The following KCNJ15 variants were observed in gnomAD, a reference collection of about 807,000 sequenced individuals.
KCNJ15 encodes the protein potassium inwardly rectifying channel subfamily J member 15.
Under a neutral mutation model 23.0 loss-of-function variants are expected in KCNJ15, and 14 were observed. The ratio of observed to expected loss-of-function variants is 0.61; its 90% CI spans 0.40 to 0.95. The LOEUF (loss-of-function observed/expected upper bound fraction) is 0.95, where lower values mean the gene tolerates loss of function less well. Ranked by LOEUF, KCNJ15 falls within the 40% of genes least tolerant of loss-of-function variation. KCNJ15 has a pLI of 0.00. For synonymous variants in KCNJ15, 185 were observed against 183.2 expected, an observed-to-expected ratio of 1.01 and a Z score of -0.08; for missense variants, 388 against 461.8, an observed-to-expected ratio of 0.84 and a Z score of 1.46.
At chr21:38,253,861 A>T (rs183968413), upstream of KCNJ15, among the ~76,000 whole-genome samples, 2 of 152,316 alleles carry the variant, frequency 1.3e-5, no homozygotes, top group African/African-American at 4.8e-5. Context: ...TCTTTCCGTT[A>T]ACTGTGGAGG....
At chr21:38,271,498 A>C (rs1051333881) in intron 1 of KCNJ15, among the ~76,000 whole-genome samples, 1 of 152,238 alleles carries the variant, frequency 6.6e-6, no homozygotes, top group African/African-American at 2.4e-5. Flanking sequence ...TGGAAAGTGA[A>C]AATCAGTGAA....
Position 38,300,075 on chromosome 21 carries a change from C to A in KCNJ15, c.814C>A (p.Leu272Ile), listed in dbSNP as rs762613652. The change falls in exon 3 of 3, where the codon CTA becomes ATA. Residue 272 changes from leucine (L) to isoleucine (I), a missense_variant. Transcript: ENST00000398938. ...CCTGAGAGACCTCACACCCCAAAAC[C>A]TAAAGGAGAAGGAGTTTGAGCTTGT... ...SPLRDLTPQN[L>I]KEKEFELVVL... is the part of the protein sequence containing the mutation. 8.7e-5 allele frequency: 141 copies of A among 1,614,024 alleles called. No homozygotes were observed. Among genetic ancestry groups the A allele is most frequent in the Non-Finnish European group, 1.1e-4 (127 of 1,180,028 alleles).
At chr21:38,271,186 C>G (rs1982044214) in intron 1 of KCNJ15, among the ~76,000 whole-genome samples, 1 of 152,260 alleles carries the variant, frequency 6.6e-6, no homozygotes, top group Admixed American at 6.5e-5. Flanking sequence ...TAGTCCGTCT[C>G]TCTGTGCTTT....
chr21:38,274,189 G>A (rs1982403584), intron 1 of KCNJ15, among the ~76,000 whole-genome samples: 1 of 152,218 alleles, frequency 6.6e-6, no homozygotes, highest in South Asian at 2.1e-4. Flanking sequence ...GCAAAGACGT[G>A]AACTAGTGTT....
chr21:38,290,394 A>G (rs1403577442), intron 1 of KCNJ15, among the ~76,000 whole-genome samples: 2 of 152,234 alleles, frequency 1.3e-5, no homozygotes, highest in African/African-American at 2.4e-5. Context: ...AACAATAATA[A>G]TGGAACAGAA....
At chr21:38,278,563 A>T (rs1982980591) in intron 1 of KCNJ15, among the ~76,000 whole-genome samples, 1 of 152,192 alleles carries the variant, frequency 6.6e-6, no homozygotes, top group Non-Finnish European at 1.5e-5. Context: ...TAGTACACTG[A>T]GATAAATATT....
At chr21:38,298,117 G>A (rs1282618803) in intron 2 of KCNJ15, 3 of 152,160 alleles carry the variant, frequency 2.0e-5, no homozygotes, top group Non-Finnish European at 2.9e-5. Context: ...AAGTTACTCT[G>A]TAATCACCCG....
chr21:38,239,905 T>C (rs757573464), intron 1 of KCNJ15, among the ~76,000 whole-genome samples: 2 of 152,262 alleles, frequency 1.3e-5, no homozygotes, highest in African/African-American at 2.4e-5. Flanking sequence ...AGTTTCCTGA[T>C]CTTGTCAGCA....
chr21:38,293,816 T>A (rs1404077966), intron 1 of KCNJ15, among the ~76,000 whole-genome samples: 1 of 152,266 alleles, frequency 6.6e-6, no homozygotes, highest in Non-Finnish European at 1.5e-5. Context: ...AGAATCCACT[T>A]TGTCCACCTT....
At position 38,301,715 on chromosome 21, in the gene KCNJ15, A is replaced by G. The variant is rs1569025227; in HGVS notation, c.*1326A>G. 1 of 167,084 alleles carries G rather than the reference A, an allele frequency of 6.0e-6. No homozygotes were observed. The highest frequency in any genetic ancestry group is 6.5e-5 in the Admixed American group (1 of 15,288). 10.4% of individuals were successfully genotyped at this position (167,084 alleles called of 1,614,324 possible). A position where few individuals can be genotyped will look rare whatever the true frequency, so the allele number is the denominator to read the frequency against. On this transcript the variant is annotated 3_prime_UTR_variant, in exon 3 of 3. Coordinates refer to ENST00000398938, the MANE Select transcript of KCNJ15 (RefSeq NM_170736.3). ...TAAAGAATACCCCTGCTATTTAAATAAAGCTCATACCAAGAGGTAACATTT... is the reference window on the plus strand; with the variant it reads ...TAAAGAATACCCCTGCTATTTAAATGAAGCTCATACCAAGAGGTAACATTT...
chr21:38,300,993 G>C lies in KCNJ15; in HGVS notation c.*604G>C. On this transcript the variant is annotated 3_prime_UTR_variant, in exon 3 of 3. Transcript: ENST00000398938. ...GTATGGAAGGAAATTGATCAGATCTGTAATTCACAACTGTGGAAACCTACA... is the reference window on the plus strand; with the variant it reads ...GTATGGAAGGAAATTGATCAGATCTCTAATTCACAACTGTGGAAACCTACA... 1 of 167,040 alleles carries C rather than the reference G, an allele frequency of 6.0e-6. No homozygotes were observed. Among genetic ancestry groups the C allele is most frequent in the East Asian group, 1.9e-4 (1 of 5,200 alleles). 10.3% of individuals were successfully genotyped at this position (167,040 alleles called of 1,614,324 possible). A position where few individuals can be genotyped will look rare whatever the true frequency, so the allele number is the denominator to read the frequency against.
chr21:38,273,287 A>G (rs949686934), intron 1 of KCNJ15, among the ~76,000 whole-genome samples: 3 of 152,198 alleles, frequency 2.0e-5, no homozygotes, highest in Admixed American at 6.5e-5. Flanking sequence ...TCAGGATCCA[A>G]CCAAGGCCTG....
At chr21:38,270,963 G>C (rs556893408) in intron 1 of KCNJ15, among the ~76,000 whole-genome samples, 17 of 151,760 alleles carry the variant, frequency 1.1e-4, no homozygotes, top group African/African-American at 4.1e-4. Context: ...ATACAGCCTG[G>C]TTTCTCCAAC....
chr21:38,287,903 A>G (rs1373137383), intron 1 of KCNJ15, among the ~76,000 whole-genome samples: 1 of 152,126 alleles, frequency 6.6e-6, no homozygotes, highest in African/African-American at 2.4e-5. Context: ...TTTTGGTATA[A>G]ACTGTGTTCC....
At chr21:38,274,177 A>T (rs1380929852) in intron 1 of KCNJ15, among the ~76,000 whole-genome samples, 1 of 152,224 alleles carries the variant, frequency 6.6e-6, no homozygotes, top group Non-Finnish European at 1.5e-5. Context: ...TGTTAGGTGT[A>T]AGCAAAGACG....
At chr21:38,267,426 A>G (rs964835878) in intron 1 of KCNJ15, 4 of 152,182 alleles carry the variant, frequency 2.6e-5, no homozygotes, top group Admixed American at 2.6e-4. Flanking sequence ...AAGATATAAT[A>G]AAGGAGGATG....
intron 1 of KCNJ15, among the ~76,000 whole-genome samples, chr21:38,267,575 T>C (rs1224983087): frequency 2.0e-5 from 3 of 152,140 alleles, no homozygotes; most frequent in Admixed American, 1.3e-4. Context: ...CAGTAGGAAC[T>C]TTCTGAGGAA....
At chr21:38,241,229 C>G (rs1568981066) in intron 1 of KCNJ15, among the ~76,000 whole-genome samples, 1 of 152,232 alleles carries the variant, frequency 6.6e-6, no homozygotes, top group African/African-American at 2.4e-5. Flanking sequence ...TGCCAAGTGT[C>G]TGGTTTGCGC....
At chr21:38,230,616 A>G (rs1010008776) in intron 1 of KCNJ15, among the ~76,000 whole-genome samples, 1 of 152,008 alleles carries the variant, frequency 6.6e-6, no homozygotes, top group Non-Finnish European at 1.5e-5. Context: ...AGCAGTTCAC[A>G]AAGTTTGCTT....
Sources: allele counts gnomAD v4.1 joint callset (sites outside exome capture counted in the v4.1 genomes callset), GRCh38; gene constraint gnomAD v4.1.1; transcripts MANE v1.5; gene names NCBI Gene and HGNC (gene_info 2026-07-23, HGNC 2026-07-21).